The following HS6ST3 variants were observed in gnomAD, a reference collection of about 807,000 sequenced individuals.
HS6ST3 encodes the protein heparan sulfate 6-O-sulfotransferase 3.
A neutral mutation model predicts 36.7 loss-of-function variants in HS6ST3; 12 were observed. The ratio of observed to expected loss-of-function variants is 0.33; its 90% CI spans 0.21 to 0.53. The LOEUF is 0.53. Ranked by LOEUF, HS6ST3 falls within the 20% of genes least tolerant of loss-of-function variation. HS6ST3 has a pLI of 0.95. For synonymous variants in HS6ST3, 240 were observed against 257.5 expected, an observed-to-expected ratio of 0.93 and a Z score of 0.65; for missense variants, 584 against 640.9, an observed-to-expected ratio of 0.91 and a Z score of 0.96.
intron 1 of HS6ST3, among the ~76,000 whole-genome samples, chr13:96,545,124 C>T (rs2056192966): frequency 6.6e-6 from 1 of 152,086 alleles, no homozygotes; most frequent in East Asian, 1.9e-4. Context: ...TTTATGCAGC[C>T]TGTGTCAGCC....
chr13:96,566,159 C>A (rs2056280440), intron 1 of HS6ST3, among the ~76,000 whole-genome samples: 1 of 149,090 alleles, frequency 6.7e-6, no homozygotes, highest in African/African-American at 2.5e-5. Flanking sequence ...AGAAATTTCC[C>A]AGAAAAAAAG....
chr13:96,543,830 T>G (rs1381858623), intron 1 of HS6ST3, among the ~76,000 whole-genome samples: 1 of 152,134 alleles, frequency 6.6e-6, no homozygotes, highest in Non-Finnish European at 1.5e-5. Flanking sequence ...AAAGCATCTC[T>G]TCTTATGACC....
At chr13:96,313,902 C>A (rs2054954608) in intron 1 of HS6ST3, among the ~76,000 whole-genome samples, 1 of 152,108 alleles carries the variant, frequency 6.6e-6, no homozygotes, top group South Asian at 2.1e-4. Context: ...TGAGCATTTG[C>A]CTAAAATCCT....
At chr13:96,448,246 T>A (rs1487448105) in intron 1 of HS6ST3, among the ~76,000 whole-genome samples, 2 of 152,224 alleles carry the variant, frequency 1.3e-5, no homozygotes, top group African/African-American at 4.8e-5. Context: ...TTTGACTGTC[T>A]TAACTTCTAT....
intron 1 of HS6ST3, among the ~76,000 whole-genome samples, chr13:96,783,275 G>T (rs924411001): frequency 1.7e-4 from 26 of 152,134 alleles, no homozygotes; most frequent in Admixed American, 1.7e-3. Context: ...GGGCTGATTT[G>T]TCCCTATATT....
intron 1 of HS6ST3, among the ~76,000 whole-genome samples, chr13:96,340,021 G>A (rs1398307528): frequency 6.6e-6 from 1 of 152,216 alleles, no homozygotes; most frequent in Non-Finnish European, 1.5e-5. Context: ...AAGAAGCTCT[G>A]TGCAGTGTTT....
intron 1 of HS6ST3, among the ~76,000 whole-genome samples, chr13:96,639,758 T>G (rs1189698314): frequency 1.3e-5 from 2 of 152,016 alleles, no homozygotes; most frequent in Non-Finnish European, 2.9e-5. Context: ...TGTCCTCAAA[T>G]ACCCATTGTT....
intron 1 of HS6ST3, among the ~76,000 whole-genome samples, chr13:96,569,137 C>T (rs2138960760): frequency 6.6e-6 from 1 of 152,238 alleles, no homozygotes; most frequent in Non-Finnish European, 1.5e-5. Flanking sequence ...TTACTTTATT[C>T]TTCTTTTCAT....
intron 1 of HS6ST3, among the ~76,000 whole-genome samples, chr13:96,601,645 G>A (rs1341111547): frequency 1.3e-5 from 2 of 152,084 alleles, no homozygotes; most frequent in Non-Finnish European, 2.9e-5. Flanking sequence ...TCTACTGCTG[G>A]AGAGTTAGTA....
chr13:96,499,345 A>T (rs908259034), intron 1 of HS6ST3, among the ~76,000 whole-genome samples: 1 of 152,118 alleles, frequency 6.6e-6, no homozygotes, highest in Non-Finnish European at 1.5e-5. Flanking sequence ...CATTTCTTCA[A>T]CAAATGATCA....
chr13:96,331,558 G>T (rs1376752611), intron 1 of HS6ST3, among the ~76,000 whole-genome samples: 16 of 151,800 alleles, frequency 1.1e-4, no homozygotes, highest in Non-Finnish European at 2.1e-4. Context: ...CCAGCTGCGT[G>T]CTGGGAGAAC....
chr13:96,447,414 G>T (rs753771652), intron 1 of HS6ST3, among the ~76,000 whole-genome samples: 1 of 151,986 alleles, frequency 6.6e-6, no homozygotes, highest in East Asian at 1.9e-4. Flanking sequence ...AATTATTTTC[G>T]GCAGATAGTT....
intron 1 of HS6ST3, among the ~76,000 whole-genome samples, chr13:96,538,536 T>C (rs2056164861): frequency 6.6e-6 from 1 of 152,178 alleles, no homozygotes; most frequent in Non-Finnish European, 1.5e-5. Flanking sequence ...CTCCGCCTCC[T>C]GGGTTCAGGT....
chr13:96,133,239 C>T (rs1176059305), intron 1 of HS6ST3, among the ~76,000 whole-genome samples: 1 of 152,150 alleles, frequency 6.6e-6, no homozygotes, highest in Non-Finnish European at 1.5e-5. Flanking sequence ...AGTGATTCTC[C>T]TGCGTCAGCC....
intron 1 of HS6ST3, among the ~76,000 whole-genome samples, chr13:96,583,174 G>A (rs929052355): frequency 1.0e-5 from 1 of 98,402 alleles, no homozygotes; most frequent in Non-Finnish European, 2.1e-5. Flanking sequence ...TGCTTAAAAC[G>A]TTTTAATGGC....
In HS6ST3 at chr13:96,600,680, T is replaced by C. The variant is rs2138981989; in HGVS notation, c.708-231810T>C. On this transcript the variant is annotated intron_variant, in intron 1 of 1. Transcript: ENST00000376705. ...CCATTTACATTCAATGTTAATATTGTATATGAGATTCTGCTCCAGTCATCA... is the reference window on the plus strand; with the variant it reads ...CCATTTACATTCAATGTTAATATTGCATATGAGATTCTGCTCCAGTCATCA... Among the ~76,000 whole-genome samples the C allele has an allele frequency of 1.3e-5, 2 of 152,222 alleles. 1 individual carries two copies. The highest frequency in any genetic ancestry group is 4.8e-5 in the African/African-American group (2 of 41,546).
rs577731308 is a variant in HS6ST3 at position 96,567,846 on chromosome 13, A to G, written c.708-264644A>G. 3.9e-5 allele frequency among the ~76,000 whole-genome samples: 6 copies of G among 152,358 alleles called. No individual in the cohort carries two copies. In the South Asian group the frequency reaches 6.2e-4, roughly 16 times the overall value. On this transcript the variant is annotated intron_variant, in intron 1 of 1. Coordinates refer to ENST00000376705, the MANE Select transcript of HS6ST3 (RefSeq NM_153456.4). ...CATTTCTTCCGAAGTAGAAAGGCTTATCGTGGCCTACAAACAGATAAGAAA... is the reference window on the plus strand; with the variant it reads ...CATTTCTTCCGAAGTAGAAAGGCTTGTCGTGGCCTACAAACAGATAAGAAA...
At chr13:96,138,665 A>G (rs1337960395) in intron 1 of HS6ST3, among the ~76,000 whole-genome samples, 3 of 152,060 alleles carry the variant, frequency 2.0e-5, no homozygotes, top group Non-Finnish European at 4.4e-5. Flanking sequence ...ATTTCTGCCA[A>G]TATGTATTAG....
At chr13:96,480,443 T>C (rs1421242352) in intron 1 of HS6ST3, among the ~76,000 whole-genome samples, 2 of 152,092 alleles carry the variant, frequency 1.3e-5, no homozygotes, top group Non-Finnish European at 2.9e-5. Context: ...AATGTGTACA[T>C]GTGTTTAAGT....
Sources: allele counts gnomAD v4.1 joint callset (sites outside exome capture counted in the v4.1 genomes callset), GRCh38; gene constraint gnomAD v4.1.1; transcripts MANE v1.5; gene names NCBI Gene and HGNC (gene_info 2026-07-23, HGNC 2026-07-21).